Variants in GRID2 observed in about 807,000 individuals in gnomAD.
GRID2 encodes glutamate receptor ionotropic, delta-2.
In GRID2, 33 loss-of-function variants were observed where a neutral mutation model predicts 114.8. That is an observed-to-expected ratio of 0.29 (90% CI 0.22 to 0.38). The LOEUF (loss-of-function observed/expected upper bound fraction) is 0.38, where lower values mean the gene tolerates loss of function less well. Ranked by LOEUF, GRID2 falls within the 10% of genes least tolerant of loss-of-function variation. The probability of loss-of-function intolerance (pLI) is 1.00; values close to 1 mark genes in which losing one functional copy is unlikely to be tolerated. For synonymous variants in GRID2, 505 were observed against 449.9 expected, an observed-to-expected ratio of 1.12 and a Z score of -1.55; for missense variants, 1,184 against 1,257.7, an observed-to-expected ratio of 0.94 and a Z score of 0.89.
chr4:93,492,043 A>G (rs1009381478), intron 12 of GRID2, among the ~76,000 whole-genome samples: 4 of 151,840 alleles, frequency 2.6e-5, no homozygotes, highest in African/African-American at 9.7e-5. Flanking sequence ...GTCCATGTAA[A>G]TAGATCTATG....
At chr4:93,123,380 A>C (rs964226240) in intron 4 of GRID2, among the ~76,000 whole-genome samples, 2 of 152,228 alleles carry the variant, frequency 1.3e-5, no homozygotes, top group South Asian at 4.1e-4. Flanking sequence ...CCATTATTTT[A>C]AATATAAAAT....
At chr4:92,759,737 C>T (rs566590328) in intron 2 of GRID2, among the ~76,000 whole-genome samples, 285 of 151,596 alleles carry the variant, frequency 1.9e-3, no homozygotes, top group Non-Finnish European at 3.2e-3. Context: ...CCAAGTAGCT[C>T]GGATTACAGA....
chr4:92,620,980 C>T (rs1014424287), intron 2 of GRID2, among the ~76,000 whole-genome samples: 1 of 109,894 alleles, frequency 9.1e-6, no homozygotes, highest in East Asian at 2.6e-4. Flanking sequence ...GCTAGAGGAA[C>T]AAAATAAAGA....
At chr4:93,794,966 C>A (rs747023576) in intron 1 of GRID2, among the ~76,000 whole-genome samples, 19 of 152,136 alleles carry the variant, frequency 1.2e-4, no homozygotes, top group Admixed American at 5.9e-4. Context: ...ATTACTGTAA[C>A]CTTATTTACT....
intron 1 of GRID2, among the ~76,000 whole-genome samples, chr4:92,333,343 C>A (rs1726991281): frequency 1.3e-5 from 2 of 152,166 alleles, no homozygotes. Flanking sequence ...CCAAGCTGGC[C>A]ATGGGCAGTG....
Position 92,986,298 on chromosome 4 carries a change from G to T in GRID2, c.245-98697G>T, listed in dbSNP as rs567808263. ...AGAAACTCTAGGAAGAATACTATTT[G>T]TATTAATAAGAGGTAAAATATTTTC... On this transcript the variant is annotated intron_variant, in intron 2 of 15. Transcript: ENST00000282020. Among the ~76,000 whole-genome samples the T allele has an allele frequency of 5.9e-5, 9 of 152,164 alleles. No homozygotes were observed. The South Asian group carries it at 1.9e-3, about 32-fold the overall frequency.
intron 1 of GRID2, among the ~76,000 whole-genome samples, chr4:92,571,151 T>G (rs1288913641): frequency 6.6e-6 from 1 of 152,048 alleles, no homozygotes; most frequent in Non-Finnish European, 1.5e-5. Flanking sequence ...GAGTTTTTAA[T>G]ATGAAGGGAT....
intron 1 of GRID2, among the ~76,000 whole-genome samples, chr4:92,469,688 A>T (rs1010070264): frequency 1.3e-5 from 2 of 152,074 alleles, no homozygotes; most frequent in African/African-American, 4.8e-5. Flanking sequence ...GCATAAAAAT[A>T]GGAAAAGACA....
intron 2 of GRID2, among the ~76,000 whole-genome samples, chr4:92,667,429 T>C (rs938680007): frequency 2.6e-5 from 4 of 151,590 alleles, no homozygotes; most frequent in African/African-American, 9.7e-5. Context: ...GACGGTTTAA[T>C]CCCTCCTCTG....
Position 92,975,156 on chromosome 4 carries a change from C to CAAAAAAAAAAAA in GRID2, c.245-109829_245-109818dup, listed in dbSNP as rs527770693. ...TGGGCGACAGAGTGAGATTCCGCCT[C>CAAAAAAAAAAAA]AAAAAAAAAAAAAAAAAAAAAGGTG... is the stretch of plus-strand genomic sequence containing the variant. On this transcript the variant is annotated intron_variant, in intron 2 of 15. Coordinates refer to ENST00000282020, the MANE Select transcript of GRID2 (RefSeq NM_001510.4). Among the ~76,000 whole-genome samples the CAAAAAAAAAAAA allele has an allele frequency of 7.1e-4, 33 of 46,682 alleles. 4 individuals carry two copies. The highest frequency in any genetic ancestry group is 8.8e-4 in the African/African-American group (9 of 10,198). The allele number at this position is 46,682 out of a possible 152,430, so 30.6% of individuals were successfully genotyped here.
chr4:93,074,943 G>A (rs775427259), intron 2 of GRID2, among the ~76,000 whole-genome samples: 1 of 152,116 alleles, frequency 6.6e-6, no homozygotes, highest in Non-Finnish European at 1.5e-5. Flanking sequence ...ACCTGAATAT[G>A]CCTGTATATG....
intron 2 of GRID2, among the ~76,000 whole-genome samples, chr4:92,651,759 C>T (rs540119607): frequency 7.9e-5 from 12 of 152,234 alleles, no homozygotes; most frequent in Non-Finnish European, 1.6e-4. Flanking sequence ...AACAGGTGCA[C>T]TGCCTGAAGT....
intron 1 of GRID2, among the ~76,000 whole-genome samples, chr4:92,352,488 T>C (rs895907306): frequency 6.6e-6 from 1 of 151,940 alleles, no homozygotes; most frequent in African/African-American, 2.4e-5. Context: ...TCGTTGATTG[T>C]TACGTTTTCT....
intron 1 of GRID2, among the ~76,000 whole-genome samples, chr4:92,389,217 A>G (rs1730128932): frequency 6.6e-6 from 1 of 152,058 alleles, no homozygotes; most frequent in Non-Finnish European, 1.5e-5. Context: ...TGAGATCATT[A>G]TATTGAAATT....
intron 2 of GRID2, among the ~76,000 whole-genome samples, chr4:92,647,743 TAAAC>T (rs1176679060): frequency 4.0e-5 from 6 of 149,844 alleles, no homozygotes; most frequent in Non-Finnish European, 3.0e-5. Flanking sequence ...CTTATTTTCT[TAAAC>T]AAATATGTTA....
intron 1 of GRID2, among the ~76,000 whole-genome samples, chr4:92,384,955 T>C (rs1560599524): frequency 6.6e-6 from 1 of 151,080 alleles, no homozygotes; most frequent in African/African-American, 2.4e-5. Context: ...GCATCACCAA[T>C]ATACACAATG....
chr4:93,715,754 A>T (rs1728853283), intron 14 of GRID2, among the ~76,000 whole-genome samples: 1 of 152,114 alleles, frequency 6.6e-6, no homozygotes, highest in Non-Finnish European at 1.5e-5. Flanking sequence ...GCGTATAGGA[A>T]TGCTAGTGAT....
rs571053898 is a variant in GRID2, at chr4:93,516,451, C to G, written c.2193+1040C>G. Among the ~76,000 whole-genome samples, 10 of 152,174 alleles carry G rather than the reference C, an allele frequency of 6.6e-5. No homozygotes were observed. In the East Asian group the frequency reaches 1.9e-3, roughly 29 times the overall value. ...ATCATTCTTCTGAGAGCTGGTGATG[C>G]TAACATAAACCTTTCTTCAAGTATT... On this transcript the variant is annotated intron_variant, in intron 13 of 15. Coordinates refer to ENST00000282020, the MANE Select transcript of GRID2 (RefSeq NM_001510.4).
At chr4:92,460,032 C>CTCTA (rs749790235) in intron 1 of GRID2, among the ~76,000 whole-genome samples, 11 of 48,434 alleles carry the variant, frequency 2.3e-4, no homozygotes, top group African/African-American at 9.1e-4. Flanking sequence ...ATAAATCTCA[C>CTCTA]TATATATATA....
Sources: allele counts gnomAD v4.1 joint callset (sites outside exome capture counted in the v4.1 genomes callset), GRCh38; gene constraint gnomAD v4.1.1; transcripts MANE v1.5; gene names NCBI Gene and HGNC (gene_info 2026-07-23, HGNC 2026-07-21).